Variants in TMEM108 observed in about 807,000 individuals in gnomAD.
TMEM108 encodes cancer/testis antigen 124.
TMEM108 carries 12 observed loss-of-function variants against 35.1 expected under a neutral mutation model. The observed-to-expected ratio is 0.34, with a 90% CI of 0.22 to 0.55. The LOEUF (loss-of-function observed/expected upper bound fraction) is 0.55, where lower values mean the gene tolerates loss of function less well. Ranked by LOEUF, TMEM108 falls within the 20% of genes least tolerant of loss-of-function variation. TMEM108 has a pLI of 0.89. For missense variants in TMEM108, 680 were observed against 753.3 expected (o/e 0.90, Z 1.14); for synonymous variants, 287 against 308.6 (o/e 0.93, Z 0.73).
chr3:133,336,370 A>T (rs2071503154), intron 3 of TMEM108, among the ~76,000 whole-genome samples: 1 of 152,036 alleles, frequency 6.6e-6, no homozygotes, highest in Non-Finnish European at 1.5e-5. Context: ...AGTTAAGAGA[A>T]CTTTGTTTTG....
intron 3 of TMEM108, among the ~76,000 whole-genome samples, chr3:133,313,815 A>G (rs2071163917): frequency 1.3e-5 from 2 of 152,210 alleles, no homozygotes; most frequent in African/African-American, 2.4e-5. Context: ...TCCCTGGAAA[A>G]GAGAGGAACT....
At chr3:133,133,953 C>G (rs780080192) in intron 2 of TMEM108, among the ~76,000 whole-genome samples, 17 of 151,734 alleles carry the variant, frequency 1.1e-4, no homozygotes, top group Non-Finnish European at 2.1e-4. Flanking sequence ...TTAGTAGAGA[C>G]GGGGTTTCAC....
intron 2 of TMEM108, among the ~76,000 whole-genome samples, chr3:133,066,525 ACACATAT>A (rs1943610013): frequency 6.6e-6 from 1 of 152,156 alleles, no homozygotes; most frequent in Non-Finnish European, 1.5e-5. Context: ...TTTTGCATGG[ACACATAT>A]ATGAAGCGTT....
chr3:133,294,859 G>T (rs1288884381), intron 3 of TMEM108, among the ~76,000 whole-genome samples: 1 of 152,150 alleles, frequency 6.6e-6, no homozygotes, highest in Non-Finnish European at 1.5e-5. Flanking sequence ...TTTTAATAAA[G>T]AAATTAATGT....
chr3:133,216,628 T>C (rs2107845883), intron 2 of TMEM108, among the ~76,000 whole-genome samples: 1 of 152,288 alleles, frequency 6.6e-6, no homozygotes, highest in African/African-American at 2.4e-5. Flanking sequence ...TAACCACCGT[T>C]CTACTCTGCT....
intron 2 of TMEM108, among the ~76,000 whole-genome samples, chr3:133,131,058 G>T (rs1201376260): frequency 6.6e-6 from 1 of 152,082 alleles, no homozygotes; most frequent in Non-Finnish European, 1.5e-5. Context: ...TTCCTGAATT[G>T]TCATCAGGTT....
chr3:133,391,642 G>C (rs1417678609), intron 5 of TMEM108, among the ~76,000 whole-genome samples: 1 of 152,116 alleles, frequency 6.6e-6, no homozygotes, highest in African/African-American at 2.4e-5. Context: ...CACAGCACCA[G>C]GTTACATCAC....
chr3:133,356,876 C>T lies in TMEM108; in HGVS notation c.41-22876C>T, dbSNP rs956894560. 3.3e-5 allele frequency among the ~76,000 whole-genome samples: 5 copies of T among 152,146 alleles called. No individual in the cohort carries two copies. In the East Asian group the frequency reaches 5.8e-4, roughly 18 times the overall value. ...AAACTATAAAAATTCTAGAAGATAA[C>T]GTTGGAAAATCTCTTCTGGACATTG... On this transcript the variant is annotated intron_variant, in intron 3 of 5. Coordinates refer to ENST00000321871, the MANE Select transcript of TMEM108 (RefSeq NM_023943.4).
chr3:133,266,939 G>T lies in TMEM108; in HGVS notation c.40+37588G>T, dbSNP rs368130340. ...TCCAAAAAAAAAAAAAAAAAGCCGGGCGTGGTGGCAGGTGCCTGTAGACCC... is the reference window on the plus strand; with the variant it reads ...TCCAAAAAAAAAAAAAAAAAGCCGGTCGTGGTGGCAGGTGCCTGTAGACCC... On this transcript the variant is annotated intron_variant, in intron 3 of 5. Transcript: ENST00000321871. 2.6e-3 allele frequency among the ~76,000 whole-genome samples: 392 copies of T among 150,508 alleles called. 2 individuals carry two copies. Among genetic ancestry groups the T allele is most frequent in the African/African-American group, 9.3e-3 (380 of 40,656 alleles).
At chr3:133,367,471 T>C (rs2072534620) in intron 3 of TMEM108, among the ~76,000 whole-genome samples, 1 of 152,220 alleles carries the variant, frequency 6.6e-6, no homozygotes, top group African/African-American at 2.4e-5. Flanking sequence ...AAAACTCAAA[T>C]TACACCTTGG....
chr3:133,088,504 G>A, intron 2 of TMEM108, among the ~76,000 whole-genome samples: 1 of 152,160 alleles, frequency 6.6e-6, no homozygotes, highest in East Asian at 1.9e-4. Context: ...TGCTACTGGG[G>A]CTGGCTTTTT....
intron 2 of TMEM108, among the ~76,000 whole-genome samples, chr3:133,165,789 CTATGAA>C (rs1945028412): frequency 6.6e-6 from 1 of 152,160 alleles, no homozygotes. Flanking sequence ...ACAGAGGGGG[CTATGAA>C]TATTCATGAA....
intron 2 of TMEM108, among the ~76,000 whole-genome samples, chr3:133,073,155 A>AGTAGT (rs1393193442): frequency 1.3e-5 from 2 of 152,112 alleles, no homozygotes; most frequent in African/African-American, 4.8e-5. Context: ...TACTCTCATC[A>AGTAGT]ATTTTGAAGT....
At chr3:133,320,698 A>G (rs1043317904) in intron 3 of TMEM108, among the ~76,000 whole-genome samples, 1 of 152,228 alleles carries the variant, frequency 6.6e-6, no homozygotes, top group Non-Finnish European at 1.5e-5. Context: ...CAAAAAGGTC[A>G]TCACCCAGGT....
chr3:133,287,865 A>G (rs962392257), intron 3 of TMEM108, among the ~76,000 whole-genome samples: 2 of 152,236 alleles, frequency 1.3e-5, no homozygotes, highest in African/African-American at 2.4e-5. Flanking sequence ...TAGGTTCAAG[A>G]GCAAGCAAAT....
At chr3:133,150,342 G>GTTTTTTTTTTTTT (rs10663538) in intron 2 of TMEM108, among the ~76,000 whole-genome samples, 47 of 109,628 alleles carry the variant, frequency 4.3e-4, no homozygotes, top group African/African-American at 5.9e-4. Context: ...AGGTTATTTG[G>GTTTTTTTTTTTTT]TTTTTTTTTT....
chr3:133,066,985 A>G (rs1267511698), intron 2 of TMEM108, among the ~76,000 whole-genome samples: 1 of 152,120 alleles, frequency 6.6e-6, no homozygotes, highest in African/African-American at 2.4e-5. Flanking sequence ...TGAAATTTGT[A>G]CCTATAGTTC....
chr3:133,179,825 A>C (rs926334053), intron 2 of TMEM108, among the ~76,000 whole-genome samples: 2 of 151,100 alleles, frequency 1.3e-5, no homozygotes, highest in African/African-American at 4.9e-5. Flanking sequence ...AAAATAAAAT[A>C]AAATGGCCCT....
intron 3 of TMEM108, among the ~76,000 whole-genome samples, chr3:133,275,197 C>T (rs1419692009): frequency 6.6e-6 from 1 of 151,942 alleles, no homozygotes; most frequent in Non-Finnish European, 1.5e-5. Flanking sequence ...CTAGTTTCCC[C>T]AATTGAAAAT....
Sources: gnomAD v4.1 joint callset for allele counts (sites outside exome capture counted in the v4.1 genomes callset) on GRCh38, gnomAD v4.1.1 for gene constraint, MANE v1.5 for transcripts, NCBI Gene and HGNC (gene_info 2026-07-23, HGNC 2026-07-21) for gene names.